KLHL2: variants seen among roughly 807,000 people sequenced by gnomAD.
KLHL2 encodes kelch-like protein 2.
KLHL2 carries 15 observed loss-of-function variants against 75.8 expected under a neutral mutation model. That is an observed-to-expected ratio of 0.20 (90% confidence interval 0.13 to 0.30). The LOEUF (loss-of-function observed/expected upper bound fraction) is 0.30, where lower values mean the gene tolerates loss of function less well. Ranked by LOEUF, KLHL2 falls within the 10% of genes least tolerant of loss-of-function variation. The pLI is 1.00. For missense variants in KLHL2, 381 were observed against 741.0 expected, an observed-to-expected ratio of 0.51 and a Z score of 5.64; for synonymous variants, 214 against 251.9, an observed-to-expected ratio of 0.85 and a Z score of 1.42.
intron 11 of KLHL2, among the ~76,000 whole-genome samples, chr4:165,312,869 T>C (rs1746308750): frequency 1.3e-5 from 2 of 152,224 alleles, no homozygotes; most frequent in Admixed American, 6.5e-5. Flanking sequence ...TTATTAATTT[T>C]TGATTTAACC....
intron 3 of KLHL2, among the ~76,000 whole-genome samples, chr4:165,237,941 C>T (rs61543782): frequency 0.014 from 2,087 of 152,166 alleles, 35 homozygotes; most frequent in African/African-American, 0.047. Context: ...TCCTACTCTC[C>T]CCAAGTCTCC....
chr4:165,301,316 CAG>C (rs1306301493), intron 8 of KLHL2, among the ~76,000 whole-genome samples: 1 of 152,162 alleles, frequency 6.6e-6, no homozygotes, highest in Non-Finnish European at 1.5e-5. Flanking sequence ...AATTTTTACT[CAG>C]AATTATCATC....
intron 4 of KLHL2, among the ~76,000 whole-genome samples, chr4:165,257,865 A>G (rs1374643846): frequency 2.0e-5 from 3 of 151,882 alleles, no homozygotes; most frequent in Admixed American, 2.0e-4. Flanking sequence ...CATGGGAACA[A>G]ATACATAACA....
chr4:165,257,558 T>A (rs573194827), intron 4 of KLHL2, among the ~76,000 whole-genome samples: 1 of 152,306 alleles, frequency 6.6e-6, no homozygotes, highest in South Asian at 2.1e-4. Context: ...GGTCAAAGCC[T>A]GCTTGGGCCT....
chr4:165,234,079 C>T (rs1172961706), intron 3 of KLHL2, among the ~76,000 whole-genome samples: 1 of 152,188 alleles, frequency 6.6e-6, no homozygotes, highest in African/African-American at 2.4e-5. Flanking sequence ...GCTAAGAAAC[C>T]TTTCTCAGAA....
At chr4:165,270,688 T>G (rs1742617155) in intron 5 of KLHL2, among the ~76,000 whole-genome samples, 1 of 152,194 alleles carries the variant, frequency 6.6e-6, no homozygotes, top group African/African-American at 2.4e-5. Context: ...ATCCTCCCTC[T>G]GGAAGCTTCA....
chr4:165,307,968 C>T (rs184276309), intron 9 of KLHL2, among the ~76,000 whole-genome samples: 28 of 152,246 alleles, frequency 1.8e-4, no homozygotes, highest in African/African-American at 5.5e-4. Flanking sequence ...TGAAATGCTG[C>T]CTTTATCATG....
intron 2 of KLHL2, among the ~76,000 whole-genome samples, chr4:165,225,432 T>C (rs1346407491): frequency 6.6e-6 from 1 of 152,262 alleles, no homozygotes; most frequent in Non-Finnish European, 1.5e-5. Flanking sequence ...AGTGAATGAA[T>C]ACATGCAAAT....
Position 165,311,038 on chromosome 4 carries a change from T to C in KLHL2, c.1237+288T>C, listed in dbSNP as rs562421279. ...CCCGGCTAATTTTTTTTGTATTTTT[T>C]AGTAGAGACGGGGTTTCACCATGTT... On this transcript the variant is annotated intron_variant, in intron 10 of 14. Coordinates refer to ENST00000226725, the MANE Select transcript of KLHL2 (RefSeq NM_007246.4). Among the ~76,000 whole-genome samples, 65 of 152,120 alleles carry C rather than the reference T, an allele frequency of 4.3e-4. No homozygotes were observed. In the East Asian group the frequency reaches 9.3e-3, roughly 22 times the overall value.
chr4:165,234,650 T>C (rs1212235206), intron 3 of KLHL2, among the ~76,000 whole-genome samples: 1 of 142,350 alleles, frequency 7.0e-6, no homozygotes, highest in African/African-American at 2.7e-5. Context: ...GGAGTCTCGC[T>C]CTGTACCAGG....
chr4:165,247,363 T>C (rs1398308257), intron 4 of KLHL2, among the ~76,000 whole-genome samples: 1 of 152,154 alleles, frequency 6.6e-6, no homozygotes, highest in Non-Finnish European at 1.5e-5. Context: ...CCCTTTGCTA[T>C]GAAAGGGGAG....
intron 3 of KLHL2, among the ~76,000 whole-genome samples, chr4:165,230,208 G>C (rs1403609764): frequency 6.6e-6 from 1 of 152,186 alleles, no homozygotes; most frequent in East Asian, 1.9e-4. Context: ...AGAAGGATTC[G>C]ATCTGGAATG....
chr4:165,207,937 G>A lies in KLHL2; in HGVS notation c.26+35G>A, dbSNP rs1736939568. On this transcript the variant is annotated intron_variant, in intron 1 of 14. Coordinates refer to ENST00000226725, the MANE Select transcript of KLHL2 (RefSeq NM_007246.4). This position sits in a 1 kb window ranked among gnomAD's most constrained non-coding sequence, Gnocchi z 4.2. ...CGGGCGGGCGGGCTGCGCCGCTGCG[G>A]ATAAGCGCGCCGCTGCGGCGCGTGT... is the stretch of plus-strand genomic sequence containing the variant. 7.3e-7 allele frequency: 1 copy of A among 1,361,922 alleles called. No individual in the cohort carries two copies. The allele number at this position is 1,361,922 out of a possible 1,614,324, so 84.4% of individuals were successfully genotyped here.
rs113179406 is a variant in KLHL2 at position 165,248,876 on chromosome 4, G to T, written c.381+9977G>T. On this transcript the variant is annotated intron_variant, in intron 4 of 14. Coordinates refer to ENST00000226725, the MANE Select transcript of KLHL2 (RefSeq NM_007246.4). ...AGAGAAAAGTTTCATGAACAGTAGAGATGTAACTGAATATATGTTATTGTT... is the reference window on the plus strand; with the variant it reads ...AGAGAAAAGTTTCATGAACAGTAGATATGTAACTGAATATATGTTATTGTT... Among the ~76,000 whole-genome samples the T allele has an allele frequency of 3.3e-3, 510 of 152,288 alleles. 2 individuals are homozygous for T. The highest frequency in any genetic ancestry group is 0.012 in the African/African-American group (488 of 41,548).
At chr4:165,272,286 C>T (rs1742755936) in intron 5 of KLHL2, among the ~76,000 whole-genome samples, 2 of 152,190 alleles carry the variant, frequency 1.3e-5, no homozygotes, top group Non-Finnish European at 2.9e-5. Flanking sequence ...ACTATTCATG[C>T]AGCACTTTTG....
intron 7 of KLHL2, 108 bp downstream of exon 7, chr4:165,297,833 G>A (rs1745030308): frequency 1.3e-6 from 1 of 785,368 alleles, no homozygotes; most frequent in Non-Finnish European, 2.3e-6. Context: ...GCAGATCTGT[G>A]GAGTACAGGA....
chr4:165,252,675 G>A (rs1481801434), intron 4 of KLHL2: 15 of 152,010 alleles, frequency 9.9e-5, no homozygotes, highest in Admixed American at 9.8e-4. Context: ...ATAGAATATA[G>A]CTATATCACT....
rs780273838 is a variant in KLHL2, at chr4:165,319,334, A to T, written c.1753+1365A>T. On this transcript the variant is annotated intron_variant, in intron 14 of 14. Coordinates refer to ENST00000226725, the MANE Select transcript of KLHL2 (RefSeq NM_007246.4). This position sits in a 1 kb window ranked among gnomAD's most constrained non-coding sequence, Gnocchi z 4.5. Reference sequence around the variant, plus strand: ...AACCTTGAATAATACCATGGGACCCATACAAAGTGCCACCGGTGATGGTGC... The same window carrying T: ...AACCTTGAATAATACCATGGGACCCTTACAAAGTGCCACCGGTGATGGTGC... Among the ~76,000 whole-genome samples the T allele has an allele frequency of 3.9e-5, 6 of 152,194 alleles. No individual in the cohort carries two copies. The highest frequency in any genetic ancestry group is 7.3e-5 in the Non-Finnish European group (5 of 68,034).
intron 13 of KLHL2, among the ~76,000 whole-genome samples, chr4:165,316,171 T>C (rs1312508143): frequency 1.3e-5 from 2 of 152,182 alleles, no homozygotes; most frequent in East Asian, 3.9e-4. Context: ...AGCTAAGATA[T>C]TCAAATGGAT....
Sources: allele counts gnomAD v4.1 joint callset (sites outside exome capture counted in the v4.1 genomes callset), GRCh38; gene constraint gnomAD v4.1.1; non-coding constraint Gnocchi (gnomAD v3.1); transcripts MANE v1.5; gene names NCBI Gene and HGNC (gene_info 2026-07-23, HGNC 2026-07-21).